The following PER3 variants were observed in gnomAD, a reference collection of about 807,000 sequenced individuals.
PER3 encodes period circadian protein homolog 3.
PER3 carries 107 observed loss-of-function variants against 127.2 expected under a neutral mutation model. The ratio of observed to expected loss-of-function variants is 0.84; its 90% confidence interval spans 0.72 to 0.99. PER3 has a LOEUF of 0.99. Among genes scored for constraint, PER3 ranks in the 50% least tolerant of loss-of-function variants. The pLI, the probability that PER3 is intolerant of heterozygous loss-of-function variation, is 0.00. For synonymous variants in PER3, 618 were observed against 585.8 expected, an observed-to-expected ratio of 1.05 and a Z score of -0.79; for missense variants, 1,560 against 1,525.8, an observed-to-expected ratio of 1.02 and a Z score of -0.37.
chr1:7,807,757 C>T (rs1276972644), intron 10 of PER3, among the ~76,000 whole-genome samples: 2 of 152,180 alleles, frequency 1.3e-5, no homozygotes, highest in East Asian at 3.8e-4. Context: ...ACAGGCAGTA[C>T]AGTGTGGTGG....
Position 7,829,898 on chromosome 1 carries a change from G to A in PER3, c.2951G>A (p.Gly984Glu). The A allele has an allele frequency of 6.2e-7, 1 of 1,613,880 alleles. No homozygotes were observed. The highest frequency in any genetic ancestry group is 8.5e-7 in the Non-Finnish European group (1 of 1,179,876). The stretch of plus-strand genomic sequence containing the variant: ...GCTACTACCGGTGCACTGTCCACGG[G>A]GTCACCTCCCAGGGAGAATCCATCC... ...SPATTGALST[G>E]SPPRENPSHP... is the part of the protein sequence containing the mutation. The change falls in exon 19 of 22, where the codon GGG becomes GAG. Residue 984 changes from glycine to glutamate, a missense_variant. This residue lies in a region of PER3 where 29 missense variants were observed against 103.6 expected (regional missense o/e 0.28). Transcript: ENST00000377532.
At chr1:7,810,343 T>C in intron 12 of PER3, 95 bp from the exon 13 acceptor site, 1 of 929,730 alleles carries the variant, frequency 1.1e-6, no homozygotes, top group Non-Finnish European at 1.6e-6. Context: ...CATTATATCT[T>C]CAAAGAAACA....
intron 16 of PER3, among the ~76,000 whole-genome samples, chr1:7,821,695 G>C (rs1224202957): frequency 6.6e-6 from 1 of 152,060 alleles, no homozygotes; most frequent in Non-Finnish European, 1.5e-5. Flanking sequence ...TTATACTAAA[G>C]TCTATATGCT....
chr1:7,836,403 T>G (rs981285959), intron 20 of PER3, among the ~76,000 whole-genome samples: 1 of 152,236 alleles, frequency 6.6e-6, no homozygotes, highest in Non-Finnish European at 1.5e-5. Flanking sequence ...GATCTTGAAC[T>G]CCTGGCCTCA....
intron 10 of PER3, among the ~76,000 whole-genome samples, chr1:7,807,745 C>T (rs953495337): frequency 2.0e-5 from 3 of 152,084 alleles, no homozygotes; most frequent in African/African-American, 7.2e-5. Context: ...ACCAAGGTAC[C>T]CACAGGCAGT....
At chr1:7,816,015 A>AAAAATTG (rs1558436913) in intron 13 of PER3, among the ~76,000 whole-genome samples, 4 of 148,446 alleles carry the variant, frequency 2.7e-5, no homozygotes, top group African/African-American at 1.0e-4. Flanking sequence ...AAAAAAAAAA[A>AAAAATTG]AATTGAATTG....
rs767393608 is a variant in PER3, at chr1:7,785,554, A to G, written c.242A>G (p.Asn81Ser). ...RNKPSTLDAL[N>S]YALRCVHSVQ... is the part of the protein sequence containing the mutation. ...AAACCAAGCACTCTAGATGCCCTCAACTATGCTCTCCGCTGTGTCCACAGC... is the reference window on the plus strand; with the variant it reads ...AAACCAAGCACTCTAGATGCCCTCAGCTATGCTCTCCGCTGTGTCCACAGC... The change falls in exon 3 of 22, where the codon AAC (asparagine) becomes AGC (serine). Residue 81 changes from asparagine (N) to serine (S), a missense_variant. By Grantham distance (46) the Asn-to-Ser change is conservative. Transcript: ENST00000377532. The G allele has an allele frequency of 1.9e-5, 30 of 1,613,884 alleles. No individual in the cohort carries two copies. Among genetic ancestry groups the G allele is most frequent in the Non-Finnish European group, 2.1e-5 (25 of 1,179,852 alleles).
intron 5 of PER3, among the ~76,000 whole-genome samples, chr1:7,791,198 CT>C (rs146712569): frequency 0.13 from 19,352 of 152,312 alleles, 1,532 homozygotes; most frequent in Admixed American, 0.17. Context: ...GGCTCCGCCC[CT>C]GTAGCAAACT....
At chr1:7,817,705 T>C (rs1009060585) in intron 13 of PER3, among the ~76,000 whole-genome samples, 1 of 152,060 alleles carries the variant, frequency 6.6e-6, no homozygotes, top group African/African-American at 2.4e-5. Context: ...TACAGAGGGA[T>C]GGATAGACAC....
In PER3 at chr1:7,793,832, A is replaced by G. The variant is rs1251303882; in HGVS notation, c.593-125A>G. On this transcript the variant is annotated intron_variant, in intron 5 of 21. Coordinates refer to ENST00000377532, the MANE Select transcript of PER3 (RefSeq NM_001377275.1). Reference sequence around the variant, plus strand: ...TCTCAAAATGAAGGAAGGGGGTTCTATTTTAATCAAGGAGACCTCTCTCTC... The same window carrying G: ...TCTCAAAATGAAGGAAGGGGGTTCTGTTTTAATCAAGGAGACCTCTCTCTC... The G allele has an allele frequency of 2.1e-5, 17 of 808,386 alleles. No individual in the cohort carries two copies. The East Asian group carries it at 2.2e-4, about 10-fold the overall frequency. The allele number at this position is 808,386 out of a possible 1,614,324, so 50.1% of individuals were successfully genotyped here. A position where few individuals can be genotyped will look rare whatever the true frequency, so the allele number is the denominator to read the frequency against.
At chr1:7,809,738 G>A (rs562806811) in intron 11 of PER3, among the ~76,000 whole-genome samples, 155 bp from the exon 12 acceptor site, 13 of 152,264 alleles carry the variant, frequency 8.5e-5, no homozygotes, top group Admixed American at 2.6e-4. Context: ...AGTGCCTTTC[G>A]TGTCAGCATC....
At position 7,826,160 on chromosome 1, in the gene PER3, TAC is replaced by T. The variant is rs2097300608; in HGVS notation, c.1958-319_1958-318del. 6.6e-6 allele frequency among the ~76,000 whole-genome samples: 1 copy of T among 152,194 alleles called. No homozygotes were observed. The highest frequency in any genetic ancestry group is 1.5e-5 in the Non-Finnish European group (1 of 68,040). On this transcript the variant is annotated intron_variant, in intron 16 of 21. Coordinates refer to ENST00000377532, the MANE Select transcript of PER3 (RefSeq NM_001377275.1). This position sits in a 1 kb window ranked among gnomAD's most constrained non-coding sequence, Gnocchi z 4.2. ...TGATTTTTGAACCACATGAATATAT[TAC>T]CTATTTAAAAGGTAAGTTCAAAGAT... is the stretch of plus-strand genomic sequence containing the variant.
intron 10 of PER3, among the ~76,000 whole-genome samples, chr1:7,807,067 G>A (rs2097198146): frequency 6.6e-6 from 1 of 151,904 alleles, no homozygotes; most frequent in South Asian, 2.1e-4. Context: ...AATATGTAGT[G>A]GGTGCCTGCT....
intron 21 of PER3, among the ~76,000 whole-genome samples, chr1:7,840,611 C>T (rs1027192794): frequency 1.3e-5 from 2 of 151,382 alleles, no homozygotes; most frequent in Non-Finnish European, 2.9e-5. Context: ...AGCCACCGCA[C>T]CCAGCTTTTT....
At chr1:7,785,781 C>T (rs2097085970) in intron 3 of PER3, among the ~76,000 whole-genome samples, 195 bp downstream of exon 3, 1 of 152,196 alleles carries the variant, frequency 6.6e-6, no homozygotes, top group Non-Finnish European at 1.5e-5. Flanking sequence ...AAAACTTTAT[C>T]TGTATAATAG....
At chr1:7,836,096 C>G in intron 20 of PER3, 151 bp downstream of exon 20, 1 of 572,586 alleles carries the variant, frequency 1.7e-6, no homozygotes, top group Non-Finnish European at 3.1e-6. Flanking sequence ...CTCCTGGGTT[C>G]AAGCGATTCT....
chr1:7,810,679 T>C (rs2097215539), intron 13 of PER3, 91 bp downstream of exon 13: 1 of 1,233,778 alleles, frequency 8.1e-7, no homozygotes, highest in African/African-American at 1.5e-5. Flanking sequence ...CATAAAGTCA[T>C]GACCCTGTGT....
intron 5 of PER3, among the ~76,000 whole-genome samples, chr1:7,791,585 T>TA (rs1189051775): frequency 3.3e-5 from 5 of 152,374 alleles, no homozygotes; most frequent in African/African-American, 1.2e-4. Flanking sequence ...GGCTTCTTGT[T>TA]ACTTCTGCAA....
intron 19 of PER3, among the ~76,000 whole-genome samples, chr1:7,830,388 G>A (rs778696358): frequency 7.9e-5 from 12 of 152,068 alleles, no homozygotes; most frequent in South Asian, 2.1e-4. Context: ...TAGTGTAAGC[G>A]CTACCACAAT....
Sources: allele counts gnomAD v4.1 joint callset (sites outside exome capture counted in the v4.1 genomes callset), GRCh38; gene constraint gnomAD v4.1.1; regional missense constraint gnomAD v4.1.1; non-coding constraint Gnocchi (gnomAD v3.1); transcripts MANE v1.5; gene names NCBI Gene and HGNC (gene_info 2026-07-23, HGNC 2026-07-21).